Variants in MYZAP observed in about 807,000 individuals in gnomAD.
MYZAP encodes myocardial zonula adherens protein, also known as GRINL1A complex locus upstream.
In MYZAP, 66 loss-of-function variants were observed where a neutral mutation model predicts 69.4. The ratio of observed to expected loss-of-function variants is 0.95; its 90% CI spans 0.78 to 1.17. The LOEUF (loss-of-function observed/expected upper bound fraction) is 1.17, where lower values mean the gene tolerates loss of function less well. Ranked by LOEUF, MYZAP falls within the 50% of genes most tolerant of loss-of-function variation. The pLI is 0.00. For missense variants in MYZAP, 611 were observed against 556.2 expected (o/e 1.10, Z -0.99); for synonymous variants, 256 against 205.9 (o/e 1.24, Z -2.09).
chr15:57,616,231 T>C (rs2035430482), intron 2 of MYZAP, among the ~76,000 whole-genome samples: 1 of 152,250 alleles, frequency 6.6e-6, no homozygotes, highest in Non-Finnish European at 1.5e-5. Flanking sequence ...AAATGCTTTG[T>C]GGGCCAGGCA....
rs367771981 is a variant in MYZAP at position 57,684,407 on chromosome 15, C to T, written c.1310C>T (p.Thr437Ile). The change falls in exon 13 of 13, where the codon ACA (threonine) becomes ATA (isoleucine). Residue 437 changes from threonine to isoleucine, a missense_variant. By Grantham distance (89) the Thr-to-Ile change is moderately conservative. Transcript: ENST00000267853. ...TGCATTTTCTCATTTCTCAGCCAAA[C>T]AGGCAGGACTCGTGAAATTGTGATG... ...GVGCDLLPSQ[T>I]GRTREIVMPS... 5.6e-6 allele frequency: 9 copies of T among 1,611,132 alleles called. No homozygotes were observed. The highest frequency in any genetic ancestry group is 6.8e-6 in the Non-Finnish European group (8 of 1,178,082).
At chr15:57,646,373 C>A (rs1190608130) in intron 10 of MYZAP, 1 of 1,172,914 alleles carries the variant, frequency 8.5e-7, no homozygotes, top group Non-Finnish European at 1.1e-6. Flanking sequence ...GTGAAAACAC[C>A]CACATACTGT....
chr15:57,610,335 T>C (rs1242745573), intron 2 of MYZAP, among the ~76,000 whole-genome samples: 1 of 152,196 alleles, frequency 6.6e-6, no homozygotes, highest in African/African-American at 2.4e-5. Context: ...TTAAAAGCCT[T>C]GGATGAATAA....
At chr15:57,606,155 A>C (rs932407520) in intron 2 of MYZAP, among the ~76,000 whole-genome samples, 8 of 152,212 alleles carry the variant, frequency 5.3e-5, no homozygotes, top group African/African-American at 1.9e-4. Context: ...CCAGCGGATT[A>C]CTGATTCTAA....
chr15:57,628,703 G>A (rs1428548690), intron 5 of MYZAP, among the ~76,000 whole-genome samples: 1 of 152,204 alleles, frequency 6.6e-6, no homozygotes, highest in Non-Finnish European at 1.5e-5. Flanking sequence ...GGAGGAAGGT[G>A]AAATGTTTGC....
chr15:57,647,446 G>T (rs1230736615), intron 10 of MYZAP: 1 of 985,232 alleles, frequency 1.0e-6, no homozygotes, highest in African/African-American at 1.7e-5. Context: ...AGTCTCTGGT[G>T]GAAAAGTCAC....
intron 7 of MYZAP, 120 bp downstream of exon 7, chr15:57,632,679 A>AG: frequency 6.8e-7 from 1 of 1,480,580 alleles, no homozygotes; most frequent in East Asian, 2.3e-5. Flanking sequence ...GCCATGGGTA[A>AG]GGGATCAAGG....
At chr15:57,674,430 C>G (rs543754789) in intron 11 of MYZAP, among the ~76,000 whole-genome samples, 5 of 152,298 alleles carry the variant, frequency 3.3e-5, no homozygotes, top group African/African-American at 1.2e-4. Flanking sequence ...CTACGAAAGA[C>G]TAATTAAGTT....
At chr15:57,669,578 A>G (rs1394906917) in intron 11 of MYZAP, among the ~76,000 whole-genome samples, 1 of 152,182 alleles carries the variant, frequency 6.6e-6, no homozygotes, top group Non-Finnish European at 1.5e-5. Context: ...TTAAAAAATA[A>G]TTAAAATAGC....
chr15:57,617,955 A>G, intron 2 of MYZAP, 78 bp from the exon 3 acceptor site: 1 of 1,517,306 alleles, frequency 6.6e-7, no homozygotes, highest in Non-Finnish European at 8.8e-7. Context: ...ATAATCATAC[A>G]CAGTGGGCCC....
At chr15:57,634,730 C>G (rs1304212829) in intron 8 of MYZAP, among the ~76,000 whole-genome samples, 1 of 152,216 alleles carries the variant, frequency 6.6e-6, no homozygotes, top group Non-Finnish European at 1.5e-5. Context: ...TTCGTTTTAG[C>G]TCTTTAGCTT....
intron 1 of MYZAP, among the ~76,000 whole-genome samples, chr15:57,600,936 G>C (rs1216165089): frequency 6.6e-6 from 1 of 152,052 alleles, no homozygotes; most frequent in African/African-American, 2.4e-5. Context: ...AAATTAGCCA[G>C]GCATGGTGAT....
In MYZAP at chr15:57,610,542, C is replaced by T. The variant is rs548857183; in HGVS notation, c.162+6187C>T. ...GGGGAGAGACCTAGAGTTTGAGTCCCGGCTTCCTCATGAACCCCTGTGGTG... is the reference window on the plus strand; with the variant it reads ...GGGGAGAGACCTAGAGTTTGAGTCCTGGCTTCCTCATGAACCCCTGTGGTG... On this transcript the variant is annotated intron_variant, in intron 2 of 12. Transcript: ENST00000267853. 5.6e-4 allele frequency among the ~76,000 whole-genome samples: 86 copies of T among 152,250 alleles called. No homozygotes were observed. In the Middle Eastern group the frequency reaches 0.024, roughly 42 times the overall value.
At chr15:57,651,788 C>T (rs1037160924) in intron 10 of MYZAP, among the ~76,000 whole-genome samples, 9 of 152,320 alleles carry the variant, frequency 5.9e-5, no homozygotes, top group Middle Eastern at 3.4e-3. Flanking sequence ...CTCCTCCTTT[C>T]TTCCTTCTCA....
At chr15:57,612,513 T>C (rs923316827) in intron 2 of MYZAP, among the ~76,000 whole-genome samples, 2 of 152,226 alleles carry the variant, frequency 1.3e-5, no homozygotes, top group Non-Finnish European at 2.9e-5. Flanking sequence ...AAAATGTATT[T>C]ATGGAGCATC....
intron 5 of MYZAP, among the ~76,000 whole-genome samples, chr15:57,626,360 A>G (rs189741846): frequency 2.4e-4 from 37 of 152,370 alleles, no homozygotes; most frequent in African/African-American, 8.4e-4. Context: ...TATCAGAAAG[A>G]ATCATGGATA....
chr15:57,629,952 C>T, intron 6 of MYZAP, 98 bp downstream of exon 6: 1 of 1,385,642 alleles, frequency 7.2e-7, no homozygotes, highest in Non-Finnish European at 9.6e-7. Flanking sequence ...TTCCTTTTCT[C>T]CATTCTCTTC....
intron 10 of MYZAP, among the ~76,000 whole-genome samples, chr15:57,659,970 T>C (rs1338076742): frequency 6.6e-6 from 1 of 152,194 alleles, no homozygotes; most frequent in African/African-American, 2.4e-5. Context: ...CAAATACATG[T>C]GCATTCATGT....
At chr15:57,644,625 G>GTTA (rs1398304998) in intron 10 of MYZAP, among the ~76,000 whole-genome samples, 26 of 145,190 alleles carry the variant, frequency 1.8e-4, no homozygotes, top group African/African-American at 5.6e-4. Context: ...TTGTATTACT[G>GTTA]TTATTATTAT....
Sources: gnomAD v4.1 joint callset for allele counts (sites outside exome capture counted in the v4.1 genomes callset) on GRCh38, gnomAD v4.1.1 for gene constraint, MANE v1.5 for transcripts, NCBI Gene and HGNC (gene_info 2026-07-23, HGNC 2026-07-21) for gene names.